The following SORCS1 variants were observed in gnomAD, a reference collection of about 807,000 sequenced individuals.
SORCS1 encodes VPS10 domain-containing receptor SorCS1.
Under a neutral mutation model 146.1 loss-of-function variants are expected in SORCS1, and 60 were observed. That is an observed-to-expected ratio of 0.41 (90% CI 0.33 to 0.51). SORCS1 has a LOEUF of 0.51. Ranked by LOEUF, SORCS1 falls within the 20% of genes least tolerant of loss-of-function variation. The pLI, the probability that SORCS1 is intolerant of heterozygous loss-of-function variation, is 0.21. For synonymous variants in SORCS1, 637 were observed against 584.0 expected, an observed-to-expected ratio of 1.09 and a Z score of -1.31; for missense variants, 1,352 against 1,487.6, an observed-to-expected ratio of 0.91 and a Z score of 1.50.
At chr10:106,963,845 A>C (rs2139098823) in intron 1 of SORCS1, among the ~76,000 whole-genome samples, 1 of 152,336 alleles carries the variant, frequency 6.6e-6, no homozygotes, top group Admixed American at 6.5e-5. Context: ...CAAAACAAGG[A>C]ATGATATTTG....
intron 1 of SORCS1, among the ~76,000 whole-genome samples, chr10:106,958,719 G>T (rs1955082395): frequency 1.3e-5 from 2 of 151,946 alleles, no homozygotes; most frequent in Admixed American, 1.3e-4. Context: ...GAGGTGCGGG[G>T]CACCCCATGG....
At chr10:106,587,475 T>G (rs559679693) in intron 24 of SORCS1, among the ~76,000 whole-genome samples, 41 of 152,394 alleles carry the variant, frequency 2.7e-4, no homozygotes, top group Non-Finnish European at 2.6e-4. Flanking sequence ...AATTCTCCCT[T>G]CAAGTGGAAA....
At chr10:106,696,469 A>G (rs1056935287) in intron 9 of SORCS1, among the ~76,000 whole-genome samples, 7 of 152,306 alleles carry the variant, frequency 4.6e-5, no homozygotes, top group African/African-American at 1.4e-4. Context: ...TGATCACATC[A>G]ATTTCAATTC....
chr10:106,647,315 G>A (rs562957370), intron 18 of SORCS1, among the ~76,000 whole-genome samples: 1 of 151,298 alleles, frequency 6.6e-6, no homozygotes, highest in South Asian at 2.1e-4. Context: ...GTTGTTTTCT[G>A]GGTAGTGCTA....
intron 2 of SORCS1, among the ~76,000 whole-genome samples, chr10:106,843,382 A>G (rs1949142921): frequency 6.6e-6 from 1 of 150,846 alleles, no homozygotes; most frequent in Non-Finnish European, 1.5e-5. Flanking sequence ...CTCACTTAGC[A>G]TAATGTTTTC....
At chr10:107,121,827 C>T (rs1736036344) in intron 1 of SORCS1, among the ~76,000 whole-genome samples, 1 of 152,146 alleles carries the variant, frequency 6.6e-6, no homozygotes, top group East Asian at 1.9e-4. Flanking sequence ...CCTTTTGACA[C>T]AAGGACTGTC....
At chr10:106,676,532 C>T (rs990221840) in intron 13 of SORCS1, among the ~76,000 whole-genome samples, 7 of 152,082 alleles carry the variant, frequency 4.6e-5, no homozygotes, top group Admixed American at 3.9e-4. Context: ...TACCTGTAAT[C>T]GTGCTGAGAG....
At chr10:107,151,640 G>A (rs1334460067) in intron 1 of SORCS1, among the ~76,000 whole-genome samples, 1 of 152,318 alleles carries the variant, frequency 6.6e-6, no homozygotes, top group Non-Finnish European at 1.5e-5. Context: ...CCCACAACAA[G>A]TGGGAATTCT....
chr10:106,761,810 C>T (rs988767843), intron 4 of SORCS1, 149 bp from the exon 5 acceptor site: 8 of 646,660 alleles, frequency 1.2e-5, no homozygotes, highest in African/African-American at 1.1e-4. Flanking sequence ...TGTGTACCAT[C>T]TCTATTCCTT....
At chr10:106,608,990 C>G (rs1589461786) in intron 22 of SORCS1, among the ~76,000 whole-genome samples, 1 of 152,200 alleles carries the variant, frequency 6.6e-6, no homozygotes, top group African/African-American at 2.4e-5. Flanking sequence ...GGTGAAGACT[C>G]TGCCCATAGC....
chr10:106,849,437 C>A (rs1006066971), intron 2 of SORCS1, among the ~76,000 whole-genome samples: 29 of 146,458 alleles, frequency 2.0e-4, no homozygotes, highest in African/African-American at 6.5e-4. Flanking sequence ...TCAGCTCCAT[C>A]AGCTCCTTTA....
At chr10:107,139,860 G>A (rs531897248) in intron 1 of SORCS1, among the ~76,000 whole-genome samples, 6 of 152,300 alleles carry the variant, frequency 3.9e-5, no homozygotes, top group South Asian at 2.1e-4. Flanking sequence ...AGTGCTTCAC[G>A]TATGTCCTCA....
intron 1 of SORCS1, among the ~76,000 whole-genome samples, chr10:106,983,031 G>A (rs1298783509): frequency 6.6e-6 from 1 of 151,050 alleles, no homozygotes; most frequent in African/African-American, 2.4e-5. Context: ...TAAAAAAAAA[G>A]ACATGCAAAT....
intron 3 of SORCS1, among the ~76,000 whole-genome samples, chr10:106,779,202 T>G (rs551155951): frequency 6.6e-6 from 1 of 152,288 alleles, no homozygotes; most frequent in South Asian, 2.1e-4. Flanking sequence ...GAATTTGACA[T>G]TTTGGAAATA....
intron 1 of SORCS1, among the ~76,000 whole-genome samples, chr10:107,023,620 C>T (rs138102369): frequency 2.4e-4 from 36 of 151,902 alleles, no homozygotes; most frequent in African/African-American, 4.6e-4. Flanking sequence ...TAGTAGAGAC[C>T]GGAAGGACTA....
intron 2 of SORCS1, among the ~76,000 whole-genome samples, chr10:106,890,512 G>A (rs1951187302): frequency 6.6e-6 from 1 of 152,162 alleles, no homozygotes; most frequent in Non-Finnish European, 1.5e-5. Flanking sequence ...CGCTAGCGAT[G>A]AGTATGTAAA....
At chr10:107,040,450 C>T (rs1216364111) in intron 1 of SORCS1, among the ~76,000 whole-genome samples, 2 of 152,134 alleles carry the variant, frequency 1.3e-5, no homozygotes, top group Admixed American at 1.3e-4. Context: ...TGTGAATTCA[C>T]CCCTTATGGT....
intron 5 of SORCS1, among the ~76,000 whole-genome samples, chr10:106,753,829 G>C (rs1858440893): frequency 6.6e-6 from 1 of 152,194 alleles, no homozygotes; most frequent in Non-Finnish European, 1.5e-5. Flanking sequence ...TGGGCGCCAT[G>C]AAGATACACT....
intron 1 of SORCS1, among the ~76,000 whole-genome samples, chr10:107,070,233 C>T (rs186553750): frequency 7.3e-4 from 111 of 151,896 alleles, no homozygotes; most frequent in African/African-American, 2.4e-3. Context: ...TTTCCTAGTA[C>T]GAATAATGCT....
Sources: gnomAD v4.1 joint callset for allele counts (sites outside exome capture counted in the v4.1 genomes callset) on GRCh38, gnomAD v4.1.1 for gene constraint, MANE v1.5 for transcripts, NCBI Gene and HGNC (gene_info 2026-07-23, HGNC 2026-07-21) for gene names.